The following ST7 variants were observed in gnomAD, a reference collection of about 807,000 sequenced individuals.
ST7 encodes the protein suppression of tumorigenicity 7.
Under a neutral mutation model 78.7 loss-of-function variants are expected in ST7, and 28 were observed. The ratio of observed to expected loss-of-function variants is 0.36; its 90% CI spans 0.26 to 0.49. The LOEUF (loss-of-function observed/expected upper bound fraction) is 0.49, where lower values mean the gene tolerates loss of function less well. Ranked by LOEUF, ST7 falls within the 20% of genes least tolerant of loss-of-function variation. The pLI, the probability that ST7 is intolerant of heterozygous loss-of-function variation, is 0.99. For synonymous variants in ST7, 247 were observed against 249.6 expected (o/e 0.99, Z 0.10); for missense variants, 418 against 696.0 (o/e 0.60, Z 4.49).
chr7:117,172,203 G>A (rs536422759), intron 10 of ST7, among the ~76,000 whole-genome samples: 13 of 152,204 alleles, frequency 8.5e-5, no homozygotes, highest in African/African-American at 2.9e-4. Flanking sequence ...CCTTGGCCCC[G>A]CAAGGCACTG....
chr7:117,182,885 G>T (rs1292620350), intron 10 of ST7: 3 of 152,226 alleles, frequency 2.0e-5, no homozygotes, highest in Non-Finnish European at 4.4e-5. Context: ...TCCTACAGAA[G>T]ATTGCTATAG....
intron 1 of ST7, among the ~76,000 whole-genome samples, chr7:116,991,287 C>T (rs1455768347): frequency 6.6e-6 from 1 of 152,066 alleles, no homozygotes; most frequent in Non-Finnish European, 1.5e-5. Context: ...TGTGGGGAGG[C>T]AGAAATGTTA....
At position 117,180,951 on chromosome 7, in the gene ST7, C is replaced by T. The variant is rs527581013; in HGVS notation, c.1079-8370C>T. ...ACAGGTGTGAGCCACCATGCCCAGCCTTTTATTTGTTTATTTTAATTCAGA... is the reference window on the plus strand; with the variant it reads ...ACAGGTGTGAGCCACCATGCCCAGCTTTTTATTTGTTTATTTTAATTCAGA... On this transcript the variant is annotated intron_variant, in intron 10 of 15. Coordinates refer to ENST00000323984, the MANE Select transcript of ST7 (RefSeq NM_001369598.1). Among the ~76,000 whole-genome samples the T allele has an allele frequency of 7.9e-5, 12 of 152,200 alleles. No homozygotes were observed. The South Asian group carries it at 2.3e-3, about 29-fold the overall frequency.
intron 1 of ST7, among the ~76,000 whole-genome samples, chr7:116,980,149 G>C (rs903208211): frequency 6.6e-6 from 1 of 151,734 alleles, no homozygotes; most frequent in African/African-American, 2.4e-5. Flanking sequence ...AGTAGAGACG[G>C]AGTTTCGCCA....
chr7:117,176,180 G>T (rs1808330914), intron 10 of ST7, among the ~76,000 whole-genome samples: 1 of 152,136 alleles, frequency 6.6e-6, no homozygotes, highest in Non-Finnish European at 1.5e-5. Flanking sequence ...TTTAGTGATT[G>T]CCCTAAATTT....
In ST7 at chr7:117,119,293, A is replaced by G. The variant is rs370026068; in HGVS notation, c.235-268A>G. ...TTGAATATTATATATAAATTTGGAG[A>G]AAAATTATATTGAGCAGTTCTTAAC... On this transcript the variant is annotated intron_variant, in intron 2 of 15. Coordinates refer to ENST00000323984, the MANE Select transcript of ST7 (RefSeq NM_001369598.1). 1.9e-4 allele frequency among the ~76,000 whole-genome samples: 29 copies of G among 152,296 alleles called. No homozygotes were observed. The East Asian group carries it at 3.3e-3, about 17-fold the overall frequency.
intron 1 of ST7, among the ~76,000 whole-genome samples, chr7:116,999,421 G>A (rs909005775): frequency 6.6e-6 from 1 of 152,170 alleles, no homozygotes; most frequent in Non-Finnish European, 1.5e-5. Context: ...CCAAGGTTTA[G>A]TAAGTGCACA....
At chr7:117,103,327 G>C (rs1186828815) in intron 2 of ST7, among the ~76,000 whole-genome samples, 1 of 152,136 alleles carries the variant, frequency 6.6e-6, no homozygotes, top group Non-Finnish European at 1.5e-5. Context: ...AAAACTGGAG[G>C]CATCACACTA....
intron 1 of ST7, among the ~76,000 whole-genome samples, chr7:116,957,352 T>C (rs1792559992): frequency 1.3e-5 from 2 of 152,092 alleles, no homozygotes; most frequent in Non-Finnish European, 1.5e-5. Context: ...GTGGCTAGCT[T>C]TGATAATAGT....
At chr7:117,053,205 A>G (rs988732364) in intron 1 of ST7, among the ~76,000 whole-genome samples, 1 of 152,224 alleles carries the variant, frequency 6.6e-6, no homozygotes, top group Admixed American at 6.5e-5. Flanking sequence ...TAAATTTTCT[A>G]CTCAAACCAA....
chr7:117,052,195 G>A (rs1797821674), intron 1 of ST7, among the ~76,000 whole-genome samples: 1 of 152,156 alleles, frequency 6.6e-6, no homozygotes, highest in Admixed American at 6.5e-5. Context: ...TATTGCTGTG[G>A]TGCAATGTAA....
At chr7:117,112,322 C>G (rs1802498489) in intron 2 of ST7, 1 of 152,104 alleles carries the variant, frequency 6.6e-6, no homozygotes, top group Non-Finnish European at 1.5e-5. Context: ...ATTGAGTTAC[C>G]ACTCCATGCC....
At chr7:117,024,396 CCT>C (rs1330048541) in intron 1 of ST7, among the ~76,000 whole-genome samples, 1 of 152,024 alleles carries the variant, frequency 6.6e-6, no homozygotes, top group Non-Finnish European at 1.5e-5. Context: ...CCTCTTGTCT[CCT>C]CTCCCATGTT....
At chr7:117,158,578 C>A (rs1806882172) in intron 9 of ST7, among the ~76,000 whole-genome samples, 1 of 152,170 alleles carries the variant, frequency 6.6e-6, no homozygotes, top group African/African-American at 2.4e-5. Context: ...ACATGCGGAT[C>A]ATATATTGAC....
chr7:117,132,061 C>A, intron 6 of ST7, 101 bp downstream of exon 6: 1 of 1,184,224 alleles, frequency 8.4e-7, no homozygotes, highest in Non-Finnish European at 1.2e-6. Context: ...TGCATTTGAA[C>A]TGGAGGATTA....
intron 2 of ST7, among the ~76,000 whole-genome samples, chr7:117,110,955 A>G (rs1802383896): frequency 6.6e-6 from 1 of 152,138 alleles, no homozygotes; most frequent in Admixed American, 6.5e-5. Flanking sequence ...CTGATAGGAA[A>G]CTTTGAGCAA....
At chr7:116,955,495 A>G (rs1792417895) in intron 1 of ST7, among the ~76,000 whole-genome samples, 11 of 152,178 alleles carry the variant, frequency 7.2e-5, no homozygotes, top group Admixed American at 7.2e-4. Context: ...AAATTAATTC[A>G]TTCTTGAAGG....
chr7:117,206,553 G>A (rs1014696420), intron 12 of ST7, among the ~76,000 whole-genome samples: 2 of 152,124 alleles, frequency 1.3e-5, no homozygotes, highest in East Asian at 1.9e-4. Flanking sequence ...TTGGGGCTGC[G>A]GATGATGTCC....
chr7:117,121,511 T>G (rs1476312021), intron 3 of ST7, among the ~76,000 whole-genome samples: 1 of 152,188 alleles, frequency 6.6e-6, no homozygotes, highest in Non-Finnish European at 1.5e-5. Flanking sequence ...ATAACCTGGT[T>G]AGACAGTTAT....
Sources: gnomAD v4.1 joint callset for allele counts (sites outside exome capture counted in the v4.1 genomes callset) on GRCh38, gnomAD v4.1.1 for gene constraint, MANE v1.5 for transcripts, NCBI Gene and HGNC (gene_info 2026-07-23, HGNC 2026-07-21) for gene names.